The following TBC1D16 variants were observed in gnomAD, a reference collection of about 807,000 sequenced individuals.
TBC1D16 encodes CTD-2529O21.1.
A neutral mutation model predicts 74.7 loss-of-function variants in TBC1D16; 58 were observed. That is an observed-to-expected ratio of 0.78 (90% CI 0.63 to 0.97). TBC1D16 has a LOEUF of 0.97. TBC1D16 is among the 50% of genes least tolerant of loss of function. TBC1D16 has a pLI of 0.00. For missense variants in TBC1D16, 1,014 were observed against 1,079.5 expected (o/e 0.94, Z 0.85); for synonymous variants, 493 against 474.7 (o/e 1.04, Z -0.50).
intron 7 of TBC1D16, among the ~76,000 whole-genome samples, chr17:79,949,445 G>A (rs1057057280): frequency 6.6e-6 from 1 of 152,234 alleles, no homozygotes; most frequent in Non-Finnish European, 1.5e-5. Context: ...CTTCAGCTGT[G>A]GGACGTCAGC....
At chr17:79,989,511 T>C (rs1011177966) in intron 3 of TBC1D16, among the ~76,000 whole-genome samples, 2 of 152,246 alleles carry the variant, frequency 1.3e-5, no homozygotes, top group African/African-American at 2.4e-5. Context: ...TTGCCTGCCA[T>C]GGACAGAGTC....
intron 3 of TBC1D16, among the ~76,000 whole-genome samples, chr17:79,959,578 T>C (rs1461552300): frequency 4.6e-5 from 7 of 152,148 alleles, no homozygotes; most frequent in South Asian, 2.1e-4. Context: ...AAAATATCAA[T>C]TGATTATTTA....
At chr17:79,959,958 T>C (rs1598350767) in intron 3 of TBC1D16, among the ~76,000 whole-genome samples, 1 of 151,038 alleles carries the variant, frequency 6.6e-6, no homozygotes, top group Non-Finnish European at 1.5e-5. Context: ...AAACATATAG[T>C]CAACAAAAAA....
chr17:80,019,761 C>G (rs916213166), intron 1 of TBC1D16, among the ~76,000 whole-genome samples: 3 of 149,644 alleles, frequency 2.0e-5, no homozygotes, highest in Non-Finnish European at 2.9e-5. Flanking sequence ...TATGTATTCT[C>G]TACTATATTT....
rs544011547 is a variant in TBC1D16 at position 79,943,451 on chromosome 17, G to A, written c.1909-1245C>T. ...TCCAGCCCCACCACATGCTGACAGC[G>A]GACGGATAGCATCAAAAGCCTTTCT... On this transcript the variant is annotated intron_variant, in intron 10 of 11. Transcript: ENST00000310924. 1.7e-3 allele frequency among the ~76,000 whole-genome samples: 266 copies of A among 152,256 alleles called. 1 individual carries two copies. Among genetic ancestry groups the A allele is most frequent in the Non-Finnish European group, 2.8e-3 (190 of 68,032 alleles).
Position 80,026,610 on chromosome 17 carries a change from GACA to G in TBC1D16, c.-63+9182_-63+9184del, listed in dbSNP as rs1442347791. 1.3e-5 allele frequency among the ~76,000 whole-genome samples: 2 copies of G among 149,922 alleles called. 1 individual carries two copies. The highest frequency in any genetic ancestry group is 5.1e-5 in the African/African-American group (2 of 39,318). ...GCAGGCTGAACAGAGCAGAGTCAAA[GACA>G]ACGTTTGGTTCCTGGACTGAGAACC... is the stretch of plus-strand genomic sequence containing the variant. On this transcript the variant is annotated intron_variant, in intron 1 of 11. Transcript: ENST00000310924.
At position 79,981,242 on chromosome 17, in the gene TBC1D16, T is replaced by C. The variant is rs1297278495; in HGVS notation, c.780-28424A>G. Among the ~76,000 whole-genome samples, 1 of 152,144 alleles carries C rather than the reference T, an allele frequency of 6.6e-6. No individual in the cohort carries two copies. The highest frequency in any genetic ancestry group is 2.4e-5 in the African/African-American group (1 of 41,434). ...GGGGAGCCAGCATCTTCCGCACCAATGCACTGCTTGGCCCGGCTCAGAGGA... is the reference window on the plus strand; with the variant it reads ...GGGGAGCCAGCATCTTCCGCACCAACGCACTGCTTGGCCCGGCTCAGAGGA... On this transcript the variant is annotated intron_variant, in intron 3 of 11. Transcript: ENST00000310924. The surrounding 1 kb of genome is among the most constrained non-coding windows in gnomAD (Gnocchi z 6.9).
intron 1 of TBC1D16, among the ~76,000 whole-genome samples, chr17:80,018,178 CAAAA>C (rs535459874): frequency 1.5e-4 from 13 of 86,098 alleles, no homozygotes; most frequent in Admixed American, 4.0e-4. Flanking sequence ...TTCTGGTAAG[CAAAA>C]AAAAAAAAAA....
At position 80,008,277 on chromosome 17, in the gene TBC1D16, C is replaced by T. The variant is rs887670232; in HGVS notation, c.779+1883G>A. Among the ~76,000 whole-genome samples, 1 of 152,158 alleles carries T rather than the reference C, an allele frequency of 6.6e-6. No homozygotes were observed. The highest frequency in any genetic ancestry group is 2.4e-5 in the African/African-American group (1 of 41,424). On this transcript the variant is annotated intron_variant, in intron 3 of 11. Transcript: ENST00000310924. The surrounding 1 kb of genome is among the most constrained non-coding windows in gnomAD (Gnocchi z 4.5). ...CAGCCTCATCTTACAAACAGGGAAA[C>T]CGAGGCTCCAAGAAAAGAAAGAATT...
intron 3 of TBC1D16, among the ~76,000 whole-genome samples, chr17:79,970,483 C>T (rs2034040713): frequency 6.6e-6 from 1 of 152,232 alleles, no homozygotes; most frequent in Non-Finnish European, 1.5e-5. Flanking sequence ...TTGTACATCT[C>T]CCACCAAAGG....
chr17:79,941,106 G>C lies in TBC1D16; in HGVS notation c.2057C>G (p.Ala686Gly). The stretch of plus-strand genomic sequence containing the variant: ...GCGGAACTGGTACAGCAAACTCCTC[G>C]CCTGCAGACAGAGGACGGGGGGTGA... ...HMNGELVLRKARSLLYQFRLL... is the reference protein window; with the variant it reads ...HMNGELVLRKGRSLLYQFRLL... Residue 686 changes from alanine to glycine, a missense_variant and splice_region_variant, in exon 12 of 12, where the codon GCG (alanine) becomes GGG (glycine). Coordinates refer to ENST00000310924, the MANE Select transcript of TBC1D16 (RefSeq NM_019020.4). The surrounding 1 kb of genome is among the most constrained non-coding windows in gnomAD (Gnocchi z 4.3). 1 of 1,569,298 alleles carries C rather than the reference G, an allele frequency of 6.4e-7. No individual in the cohort carries two copies. The highest frequency in any genetic ancestry group is 8.7e-7 in the Non-Finnish European group (1 of 1,153,458).
chr17:79,972,159 T>C lies in TBC1D16; in HGVS notation c.780-19341A>G, dbSNP rs74987668. On this transcript the variant is annotated intron_variant, in intron 3 of 11. Coordinates refer to ENST00000310924, the MANE Select transcript of TBC1D16 (RefSeq NM_019020.4). ...CATGCAATGGCAGGTTATTTAGCTATAAAAAGGAAGGAAATTCTTTTTTTT... is the reference window on the plus strand; with the variant it reads ...CATGCAATGGCAGGTTATTTAGCTACAAAAAGGAAGGAAATTCTTTTTTTT... 6.1e-3 allele frequency among the ~76,000 whole-genome samples: 932 copies of C among 152,182 alleles called. 8 individuals are homozygous for C. Among genetic ancestry groups the C allele is most frequent in the African/African-American group, 0.022 (896 of 41,506 alleles).
intron 9 of TBC1D16, among the ~76,000 whole-genome samples, chr17:79,946,011 C>G (rs905458369): frequency 2.7e-4 from 41 of 152,306 alleles, no homozygotes; most frequent in Non-Finnish European, 2.1e-4. Flanking sequence ...GTGGCTGACC[C>G]CCTTGCAGAT....
intron 3 of TBC1D16, among the ~76,000 whole-genome samples, chr17:79,960,792 A>AAAAAAAAAAAAAAAAAAAAAAAAC (rs2033567969): frequency 6.9e-6 from 1 of 144,002 alleles, no homozygotes; most frequent in Non-Finnish European, 1.5e-5. Context: ...AAAAAAAAAA[A>AAAAAAAAAAAAAAAAAAAAAAAAC]AAAAAAAAAA....
intron 1 of TBC1D16, among the ~76,000 whole-genome samples, chr17:80,024,592 C>CACCATAGA (rs2036465660): frequency 3.4e-5 from 4 of 115,994 alleles, no homozygotes; most frequent in African/African-American, 9.9e-5. Flanking sequence ...ACACCACACA[C>CACCATAGA]CACACACCAT....
chr17:79,945,793 C>A (rs1338162390), intron 9 of TBC1D16, among the ~76,000 whole-genome samples: 1 of 152,262 alleles, frequency 6.6e-6, no homozygotes, highest in Non-Finnish European at 1.5e-5. Context: ...GTCACACACA[C>A]CCGTTGATGC....
At chr17:79,992,496 C>T (rs1461048554) in intron 3 of TBC1D16, among the ~76,000 whole-genome samples, 1 of 152,192 alleles carries the variant, frequency 6.6e-6, no homozygotes, top group Non-Finnish European at 1.5e-5. Flanking sequence ...GGAGAGAGAC[C>T]GTAGCTACCA....
In TBC1D16 at chr17:79,941,419, G is replaced by A. The variant is rs146169710; in HGVS notation, c.2056-312C>T. On this transcript the variant is annotated intron_variant, in intron 11 of 11. Transcript: ENST00000310924. This position sits in a 1 kb window ranked among gnomAD's most constrained non-coding sequence, Gnocchi z 4.3. ...ACAGGACCAACACCAGCACAGGGCC[G>A]GGTGGCGTCCAGCCAAGCCCACCTG... 1.8e-4 allele frequency among the ~76,000 whole-genome samples: 28 copies of A among 152,254 alleles called. No homozygotes were observed. The highest frequency in any genetic ancestry group is 4.6e-4 in the African/African-American group (19 of 41,532).
intron 1 of TBC1D16, among the ~76,000 whole-genome samples, chr17:80,032,280 A>AACG (rs2036801678): frequency 2.0e-5 from 3 of 152,150 alleles, no homozygotes; most frequent in Non-Finnish European, 2.9e-5. Flanking sequence ...CACATGTATC[A>AACG]CCTTCCAACG....
Sources: gnomAD v4.1 joint callset for allele counts (sites outside exome capture counted in the v4.1 genomes callset) on GRCh38, gnomAD v4.1.1 for gene constraint, Gnocchi (gnomAD v3.1) non-coding constraint, MANE v1.5 for transcripts, NCBI Gene and HGNC (gene_info 2026-07-23, HGNC 2026-07-21) for gene names.